ARG2: variants seen among roughly 807,000 people sequenced by gnomAD.
The protein encoded by ARG2 is arginase-2, mitochondrial.
ARG2 carries 21 observed loss-of-function variants against 39.4 expected under a neutral mutation model. That is an observed-to-expected ratio of 0.53 (90% CI 0.38 to 0.77). The LOEUF (loss-of-function observed/expected upper bound fraction) is 0.77. ARG2 is among the 30% of genes least tolerant of loss of function. ARG2 has a pLI of 0.00. For missense variants in ARG2, 378 were observed against 426.2 expected (o/e 0.89, Z 1.00); for synonymous variants, 150 against 156.7 (o/e 0.96, Z 0.32).
intron 2 of ARG2, among the ~76,000 whole-genome samples, chr14:67,636,069 A>G (rs1163068298): frequency 1.3e-5 from 2 of 151,994 alleles, no homozygotes; most frequent in Admixed American, 6.6e-5. Flanking sequence ...TTTAGAAACA[A>G]TTTGGAAAAA....
chr14:67,620,339 C>T (rs2036796305), intron 1 of ARG2, among the ~76,000 whole-genome samples: 1 of 151,898 alleles, frequency 6.6e-6, no homozygotes, highest in Non-Finnish European at 1.5e-5. Flanking sequence ...CTGCGGCCTC[C>T]CCAGAAAGAC....
intron 2 of ARG2, 139 bp downstream of exon 2, chr14:67,621,105 C>A: frequency 1.3e-6 from 1 of 760,168 alleles, no homozygotes; most frequent in South Asian, 1.6e-5. Flanking sequence ...TGGATTCCGT[C>A]TGCGGCTTAA....
chr14:67,623,120 G>C (rs2036828307), intron 2 of ARG2, among the ~76,000 whole-genome samples: 2 of 152,058 alleles, frequency 1.3e-5, no homozygotes, highest in African/African-American at 4.8e-5. Context: ...TAGCTGACTG[G>C]TAGCTCAGTA....
intron 2 of ARG2, among the ~76,000 whole-genome samples, chr14:67,640,743 T>C (rs1331322917): frequency 6.6e-6 from 1 of 152,208 alleles, no homozygotes; most frequent in Non-Finnish European, 1.5e-5. Context: ...AGTCAGATTA[T>C]TTAGTCCTCA....
At chr14:67,641,065 CAG>C (rs916832087) in intron 2 of ARG2, among the ~76,000 whole-genome samples, 85 of 152,296 alleles carry the variant, frequency 5.6e-4, no homozygotes, top group African/African-American at 2.0e-3. Context: ...CATATAAATT[CAG>C]AGTCAGGAAG....
chr14:67,646,066 A>T (rs7151205), intron 4 of ARG2, among the ~76,000 whole-genome samples: 1 of 152,174 alleles, frequency 6.6e-6, no homozygotes, highest in Admixed American at 6.5e-5. Context: ...TCTTGGTTAG[A>T]GGCTCCCAGG....
rs1325836316 is a variant in ARG2 at position 67,651,360 on chromosome 14, T to C, written c.*440T>C. On this transcript the variant is annotated 3_prime_UTR_variant, in exon 8 of 8. Coordinates refer to ENST00000261783, the MANE Select transcript of ARG2 (RefSeq NM_001172.4). ...TGCATTCACAAGGTCAAAGTTCTGGTCCACAAACCCTTCCCTATAGAAGTT... is the reference window on the plus strand; with the variant it reads ...TGCATTCACAAGGTCAAAGTTCTGGCCCACAAACCCTTCCCTATAGAAGTT... 1.2e-6 allele frequency: 2 copies of C among 1,613,098 alleles called. No individual in the cohort carries two copies. Among genetic ancestry groups the C allele is most frequent in the Non-Finnish European group, 1.7e-6 (2 of 1,179,396 alleles).
chr14:67,633,775 G>A (rs533590176), intron 2 of ARG2, among the ~76,000 whole-genome samples: 8 of 152,316 alleles, frequency 5.3e-5, no homozygotes, highest in African/African-American at 1.9e-4. Flanking sequence ...CTCTGGGTTC[G>A]GAGGAATTGT....
intron 2 of ARG2, among the ~76,000 whole-genome samples, chr14:67,639,731 G>A (rs1594827048): frequency 6.6e-6 from 1 of 152,042 alleles, no homozygotes; most frequent in East Asian, 1.9e-4. Flanking sequence ...GACCAGCCTA[G>A]CCAACATGGC....
Position 67,646,255 on chromosome 14 carries a change from C to T in ARG2, c.523-389C>T, listed in dbSNP as rs191920463. On this transcript the variant is annotated intron_variant, in intron 4 of 7. Transcript: ENST00000261783. Reference sequence around the variant, plus strand: ...GACACTACAAAGATTATTCATTGGGCGGAAGTCCTGTGTCGGCTGTTGGCA... The same window carrying T: ...GACACTACAAAGATTATTCATTGGGTGGAAGTCCTGTGTCGGCTGTTGGCA... 9.2e-5 allele frequency among the ~76,000 whole-genome samples: 14 copies of T among 152,242 alleles called. 1 individual carries two copies. The East Asian group carries it at 1.9e-3, about 21-fold the overall frequency.
At chr14:67,649,992 GAAC>G (rs2037151103) in intron 7 of ARG2, 1 of 152,168 alleles carries the variant, frequency 6.6e-6, no homozygotes, top group African/African-American at 2.4e-5. Flanking sequence ...CAGGCCAAAG[GAAC>G]ACTACCGAGA....
intron 2 of ARG2, among the ~76,000 whole-genome samples, chr14:67,641,801 ACTCT>A (rs763069258): frequency 6.6e-6 from 1 of 150,404 alleles, no homozygotes; most frequent in Non-Finnish European, 1.5e-5. Context: ...AAAAAATGAG[ACTCT>A]CTTTGTGTAT....
At chr14:67,638,414 A>T (rs1366643861) in intron 2 of ARG2, among the ~76,000 whole-genome samples, 1 of 152,190 alleles carries the variant, frequency 6.6e-6, no homozygotes, top group Non-Finnish European at 1.5e-5. Context: ...AGGATACAGT[A>T]GTAAAACCCG....
At chr14:67,647,162 A>G (rs190496290) in intron 6 of ARG2, 137 bp downstream of exon 6, 101 of 588,518 alleles carry the variant, frequency 1.7e-4, no homozygotes, top group African/African-American at 1.7e-3. Flanking sequence ...CAGAAAGGCA[A>G]AATTTGAAAC....
At position 67,637,702 on chromosome 14, in the gene ARG2, G is replaced by A. The variant is rs555343249; in HGVS notation, c.185-4484G>A. 2.0e-5 allele frequency among the ~76,000 whole-genome samples: 3 copies of A among 152,282 alleles called. No individual in the cohort carries two copies. The East Asian group carries it at 5.8e-4, about 29-fold the overall frequency. ...GACATCAGGCTGGCATCATGTATTT[G>A]TTGATTCAGTTATGTAATTAACTAG... On this transcript the variant is annotated intron_variant, in intron 2 of 7. Transcript: ENST00000261783.
intron 3 of ARG2, among the ~76,000 whole-genome samples, chr14:67,643,437 C>T (rs1157995644): frequency 6.6e-6 from 1 of 152,186 alleles, no homozygotes; most frequent in Non-Finnish European, 1.5e-5. Flanking sequence ...ATTGAGCACT[C>T]CATACATATT....
chr14:67,622,563 GTCT>G (rs754684438), intron 2 of ARG2, among the ~76,000 whole-genome samples: 15 of 152,296 alleles, frequency 9.8e-5, no homozygotes, highest in Non-Finnish European at 1.6e-4. Flanking sequence ...CTAAGATTTA[GTCT>G]TCTTTTAATG....
chr14:67,632,359 C>T (rs1352156972), intron 2 of ARG2, among the ~76,000 whole-genome samples: 2 of 152,160 alleles, frequency 1.3e-5, no homozygotes, highest in Non-Finnish European at 2.9e-5. Context: ...ATCACCAATA[C>T]GTGGCAATGT....
In ARG2 at chr14:67,632,669, G is replaced by C. The variant is rs186237939; in HGVS notation, c.185-9517G>C. ...CCTGGGTCCTTGAAGAAGCATTCCT[G>C]GGTTGTGAGACTTGTGAGAGGCCTA... On this transcript the variant is annotated intron_variant, in intron 2 of 7. Coordinates refer to ENST00000261783, the MANE Select transcript of ARG2 (RefSeq NM_001172.4). Among the ~76,000 whole-genome samples the C allele has an allele frequency of 2.4e-3, 367 of 152,082 alleles. 1 individual carries two copies. The highest frequency in any genetic ancestry group is 8.3e-3 in the African/African-American group (344 of 41,466).
Sources: allele counts gnomAD v4.1 joint callset (sites outside exome capture counted in the v4.1 genomes callset), GRCh38; gene constraint gnomAD v4.1.1; transcripts MANE v1.5; gene names NCBI Gene and HGNC (gene_info 2026-07-23, HGNC 2026-07-21).